EDARADD: variants seen among roughly 807,000 people sequenced by gnomAD.
The protein encoded by EDARADD is ectodysplasin-A receptor-associated adapter protein.
Under a neutral mutation model 25.6 loss-of-function variants are expected in EDARADD, and 20 were observed. The ratio of observed to expected loss-of-function variants is 0.78; its 90% CI spans 0.55 to 1.14. The LOEUF (loss-of-function observed/expected upper bound fraction) is 1.14. EDARADD is among the 50% of genes most tolerant of loss of function. The pLI, the probability that EDARADD is intolerant of heterozygous loss-of-function variation, is 0.00. For synonymous variants in EDARADD, 86 were observed against 94.4 expected (o/e 0.91, Z 0.52); for missense variants, 225 against 270.1 (o/e 0.83, Z 1.17).
At chr1:236,445,022 T>A (rs1658495287) in intron 4 of EDARADD, among the ~76,000 whole-genome samples, 3 of 152,122 alleles carry the variant, frequency 2.0e-5, no homozygotes, top group Admixed American at 2.0e-4. Context: ...AGGATCTACT[T>A]CTTCATTGCT....
intron 3 of EDARADD, among the ~76,000 whole-genome samples, chr1:236,424,207 G>A (rs1178921857): frequency 7.0e-6 from 1 of 142,880 alleles, no homozygotes; most frequent in Non-Finnish European, 1.5e-5. Flanking sequence ...GTCACTCAGG[G>A]CTGGGGTGCG....
intron 4 of EDARADD, among the ~76,000 whole-genome samples, chr1:236,433,414 C>T (rs1658159958): frequency 6.6e-6 from 1 of 151,662 alleles, no homozygotes; most frequent in Non-Finnish European, 1.5e-5. Context: ...AAAATACAAG[C>T]GATTCTCCCG....
chr1:236,391,786 A>T (rs1667429082), upstream of EDARADD, among the ~76,000 whole-genome samples: 2 of 152,206 alleles, frequency 1.3e-5, no homozygotes. Flanking sequence ...TTAAAACAGC[A>T]CATTTCTGAT....
intron 4 of EDARADD, among the ~76,000 whole-genome samples, chr1:236,464,447 T>C (rs1173261511): frequency 7.1e-6 from 1 of 141,172 alleles, no homozygotes; most frequent in Non-Finnish European, 1.5e-5. Context: ...TTTTTTTTTT[T>C]TTTGAGACAG....
chr1:236,412,261 C>T (rs1354827201), intron 2 of EDARADD, among the ~76,000 whole-genome samples: 1 of 152,208 alleles, frequency 6.6e-6, no homozygotes, highest in African/African-American at 2.4e-5. Flanking sequence ...CATCTCACTT[C>T]AAGTATTCCC....
intron 4 of EDARADD, among the ~76,000 whole-genome samples, chr1:236,462,332 T>A (rs1350714007): frequency 6.6e-6 from 1 of 151,926 alleles, no homozygotes; most frequent in Non-Finnish European, 1.5e-5. Context: ...GAAGATCAGA[T>A]CTTATGAGTA....
At chr1:236,455,798 CTTT>C (rs550327685) in intron 4 of EDARADD, among the ~76,000 whole-genome samples, 1,655 of 93,190 alleles carry the variant, frequency 0.018, 26 homozygotes, top group African/African-American at 0.082. Flanking sequence ...ATCGCCTGTT[CTTT>C]TTTTTTGAGA....
At chr1:236,382,850 C>T (rs1050861715) in intron 3 of EDARADD, among the ~76,000 whole-genome samples, 1 of 152,168 alleles carries the variant, frequency 6.6e-6, no homozygotes, top group Non-Finnish European at 1.5e-5. Context: ...CTGAAGTTCC[C>T]ACATGGTTCT....
At chr1:236,396,086 C>T (rs939971164) in intron 1 of EDARADD, among the ~76,000 whole-genome samples, 2 of 152,204 alleles carry the variant, frequency 1.3e-5, no homozygotes, top group African/African-American at 4.8e-5. Flanking sequence ...TCCTCTTCCT[C>T]TCTCCCATTG....
At chr1:236,481,490 C>T (rs1216402597) in intron 5 of EDARADD, among the ~76,000 whole-genome samples, 1 of 151,638 alleles carries the variant, frequency 6.6e-6, no homozygotes, top group Non-Finnish European at 1.5e-5. Context: ...CAGCCAGGTG[C>T]GGTGGCTCAT....
upstream of EDARADD, among the ~76,000 whole-genome samples, chr1:236,390,987 G>A (rs1424821533): frequency 2.0e-5 from 3 of 148,804 alleles, no homozygotes; most frequent in Non-Finnish European, 4.5e-5. Flanking sequence ...TCACTCTGTC[G>A]CCAGGCTGGA....
chr1:236,400,679 T>C (rs1667597820), intron 1 of EDARADD, among the ~76,000 whole-genome samples: 1 of 151,152 alleles, frequency 6.6e-6, no homozygotes, highest in South Asian at 2.1e-4. Context: ...CTCAGCCTCC[T>C]GAGTAGCTGG....
intron 3 of EDARADD, among the ~76,000 whole-genome samples, chr1:236,417,903 A>G (rs1236940347): frequency 6.6e-6 from 1 of 150,952 alleles, no homozygotes; most frequent in Non-Finnish European, 1.5e-5. Context: ...GTTATAGTGT[A>G]TTTAGAAGTT....
intron 3 of EDARADD, among the ~76,000 whole-genome samples, chr1:236,372,049 C>T (rs576021208): frequency 1.1e-4 from 16 of 152,098 alleles, no homozygotes; most frequent in African/African-American, 2.9e-4. Flanking sequence ...CTCTGACTCC[C>T]GGGTTCAAGC....
chr1:236,396,284 C>G (rs889389044), intron 1 of EDARADD, among the ~76,000 whole-genome samples: 11 of 152,132 alleles, frequency 7.2e-5, no homozygotes, highest in African/African-American at 2.7e-4. Flanking sequence ...AGATTTTTCT[C>G]TATTCTCTCA....
At chr1:236,438,847 A>T (rs1207137818) in intron 4 of EDARADD, among the ~76,000 whole-genome samples, 1 of 152,044 alleles carries the variant, frequency 6.6e-6, no homozygotes, top group Non-Finnish European at 1.5e-5. Flanking sequence ...CTGACACACC[A>T]TTATCATCCA....
At chr1:236,393,509 C>T (rs1459726138), upstream of EDARADD, among the ~76,000 whole-genome samples, 1 of 139,872 alleles carries the variant, frequency 7.1e-6, no homozygotes, top group Non-Finnish European at 1.5e-5. Flanking sequence ...GATTCTTTTG[C>T]CTCAGCTTCC....
chr1:236,415,863 G>C (rs1048650774), intron 3 of EDARADD, among the ~76,000 whole-genome samples: 1 of 152,180 alleles, frequency 6.6e-6, no homozygotes, highest in African/African-American at 2.4e-5. Context: ...GGGACAATCA[G>C]ATCTGACTAG....
intron 3 of EDARADD, among the ~76,000 whole-genome samples, chr1:236,424,160 T>C (rs1043819615): frequency 2.8e-5 from 4 of 141,930 alleles, no homozygotes; most frequent in African/African-American, 1.0e-4. Context: ...GCATCTTTTT[T>C]TTTTTTTTTT....
Sources: gnomAD v4.1 joint callset for allele counts (sites outside exome capture counted in the v4.1 genomes callset) on GRCh38, gnomAD v4.1.1 for gene constraint, MANE v1.5 for transcripts, NCBI Gene and HGNC (gene_info 2026-07-23, HGNC 2026-07-21) for gene names.